The following MCTS1 variants were observed in gnomAD, a reference collection of about 807,000 sequenced individuals.
MCTS1 encodes MCTS1 re-initiation and release factor.
For missense variants in MCTS1, 55 were observed against 128.6 expected, an observed-to-expected ratio of 0.43 and a Z score of 2.77; for synonymous variants, 26 against 40.8, an observed-to-expected ratio of 0.64 and a Z score of 1.38.
rs188739621 is a variant in MCTS1, at chrX:120,619,310, T to G, written c.*7046T>G. Among the ~76,000 whole-genome samples the G allele has an allele frequency of 1.3e-3, 143 of 111,271 alleles. No homozygotes were observed. The highest frequency in any genetic ancestry group is 4.5e-3 in the African/African-American group (138 of 30,672). Reference sequence around the variant, plus strand: ...TACAAAGGATTGATACATATTTAACTGTTTAGAATTCTAGTTAAACTTGTC... The same window carrying G: ...TACAAAGGATTGATACATATTTAACGGTTTAGAATTCTAGTTAAACTTGTC... On this transcript the variant is annotated 3_prime_UTR_variant, in exon 6 of 6. Transcript: ENST00000371317.
In MCTS1 at chrX:120,613,241, T is replaced by C. The variant is rs1028758890; in HGVS notation, c.*977T>C. Among the ~76,000 whole-genome samples the C allele has an allele frequency of 3.6e-5, 4 of 110,882 alleles. No homozygotes were observed. Among genetic ancestry groups the C allele is most frequent in the African/African-American group, 1.3e-4 (4 of 30,441 alleles). On this transcript the variant is annotated 3_prime_UTR_variant, in exon 6 of 6. Coordinates refer to ENST00000371317, the MANE Select transcript of MCTS1 (RefSeq NM_014060.3). ...GTGCCCAGCTAATTTTTATATATTT[T>C]ATAGTTGGCCAGGCTGGTCTTGAAC...
chrX:120,605,652 A>T, intron 2 of MCTS1, 93 bp downstream of exon 2: 1 of 859,708 alleles, frequency 1.2e-6, no homozygotes. Flanking sequence ...TTTTCAGATT[A>T]ACTATTGATA....
intron 5 of MCTS1, chrX:120,611,464 G>A (rs1167333973): frequency 8.8e-6 from 1 of 113,691 alleles, no homozygotes; most frequent in Non-Finnish European, 1.8e-5. Context: ...CTGTTGCCCA[G>A]GCTGGAGTGC....
chrX:120,607,076 T>A (rs1382634108), intron 3 of MCTS1, among the ~76,000 whole-genome samples: 3 of 105,687 alleles, frequency 2.8e-5, no homozygotes, highest in African/African-American at 1.0e-4. Context: ...TCCAGGTATT[T>A]CCTGTGATGT....
At position 120,616,254 on chromosome X, in the gene MCTS1, T is replaced by C. The variant is rs942692170; in HGVS notation, c.*3990T>C. 8.9e-6 allele frequency among the ~76,000 whole-genome samples: 1 copy of C among 112,267 alleles called. No homozygotes were observed. The highest frequency in any genetic ancestry group is 3.2e-5 in the African/African-American group (1 of 30,983). On this transcript the variant is annotated 3_prime_UTR_variant, in exon 6 of 6. Coordinates refer to ENST00000371317, the MANE Select transcript of MCTS1 (RefSeq NM_014060.3). ...TAAGTAGTATGCATTAAAACTGATA[T>C]ATAATGAAAGAAAAACAGTGAAAAT... is the stretch of plus-strand genomic sequence containing the variant.
At chrX:120,604,726 A>C in intron 1 of MCTS1, 7 of 1,046,601 alleles carry the variant, frequency 6.7e-6, no homozygotes, top group Non-Finnish European at 8.6e-6. Flanking sequence ...TAGCTGCCAG[A>C]TTAACCTTGC....
chrX:120,604,161 T>A lies in MCTS1; in HGVS notation c.-76T>A, dbSNP rs1926465519. 1 of 1,142,634 alleles carries A rather than the reference T, an allele frequency of 8.8e-7. No individual in the cohort carries two copies. The highest frequency in any genetic ancestry group is 1.8e-5 in the South Asian group (1 of 54,092). The allele number at this position is 1,142,634 out of a possible 1,213,427, so 94.2% of individuals were successfully genotyped here. A position where few individuals can be genotyped will look rare whatever the true frequency, so the allele number is the denominator to read the frequency against. ...TGCCGGCCTTCCTCGTGTGAGGGGA[T>A]CTGCCGGACCCCTGCAAATTCAATT... On this transcript the variant is annotated 5_prime_UTR_variant, in exon 1 of 6. Coordinates refer to ENST00000371317, the MANE Select transcript of MCTS1 (RefSeq NM_014060.3).
At position 120,614,082 on chromosome X, in the gene MCTS1, AAG is replaced by A. The variant is rs1201059708; in HGVS notation, c.*1826_*1827del. Among the ~76,000 whole-genome samples, 1 of 112,097 alleles carries A rather than the reference AAG, an allele frequency of 8.9e-6. No individual in the cohort carries two copies. Among genetic ancestry groups the A allele is most frequent in the African/African-American group, 3.2e-5 (1 of 30,862 alleles). ...GAGAAAGGTGAGGGTGGATAGCAAAAAGAGAGAGATCATTTGGCTGGCTGTTC... is the reference window on the plus strand; with the variant it reads ...GAGAAAGGTGAGGGTGGATAGCAAAAAGAGAGATCATTTGGCTGGCTGTTC... On this transcript the variant is annotated 3_prime_UTR_variant, in exon 6 of 6. Coordinates refer to ENST00000371317, the MANE Select transcript of MCTS1 (RefSeq NM_014060.3).
At position 120,612,660 on chromosome X, in the gene MCTS1, C is replaced by CGTGTGTGTGTGT. The variant is rs10563395; in HGVS notation, c.*411_*422dup. ...CAGGGGACCCAGCAGTGCTCATTCT[C>CGTGTGTGTGTGT]GTGTGTGTGTGTGTGTGTGTGTGTG... On this transcript the variant is annotated 3_prime_UTR_variant, in exon 6 of 6. Transcript: ENST00000371317. 3.8e-4 allele frequency among the ~76,000 whole-genome samples: 37 copies of CGTGTGTGTGTGT among 97,410 alleles called. No individual in the cohort carries two copies. Among genetic ancestry groups the CGTGTGTGTGTGT allele is most frequent in the African/African-American group, 1.3e-3 (34 of 25,712 alleles). 84.6% of individuals were successfully genotyped at this position (97,410 alleles called of 115,157 possible). A position where few individuals can be genotyped will look rare whatever the true frequency, so the allele number is the denominator to read the frequency against.
intron 1 of MCTS1, 88 bp from the exon 2 acceptor site, chrX:120,605,319 T>C: frequency 1.2e-6 from 1 of 836,262 alleles, no homozygotes; most frequent in Non-Finnish European, 1.7e-6. Context: ...TGGTTGGGAA[T>C]AAATGACTAA....
At chrX:120,604,881 A>G (rs1404511916) in intron 1 of MCTS1, 1 of 1,153,191 alleles carries the variant, frequency 8.7e-7, no homozygotes, top group African/African-American at 1.8e-5. Context: ...GGTTTTGTGC[A>G]TGAAATTTTG....
In MCTS1 at chrX:120,611,005, T is replaced by C. The variant is rs868685548; in HGVS notation, c.397-6T>C. The stretch of plus-strand genomic sequence containing the variant: ...ATAAATAGTTTTCTTAGCTGTGTTC[T>C]TTCAGGCTATCATGGCAGAAGGAAA... On this transcript the variant is annotated splice_region_variant and splice_polypyrimidine_tract_variant and intron_variant, in intron 4 of 5. Coordinates refer to ENST00000371317, the MANE Select transcript of MCTS1 (RefSeq NM_014060.3). 1.7e-6 allele frequency: 2 copies of C among 1,210,646 alleles called. No homozygotes were observed. The highest frequency in any genetic ancestry group is 4.6e-4 in the Middle Eastern group (2 of 4,350).
At chrX:120,607,700 TC>T (rs1187442096) in intron 3 of MCTS1, among the ~76,000 whole-genome samples, 2 of 111,613 alleles carry the variant, frequency 1.8e-5, no homozygotes, top group Non-Finnish European at 1.9e-5. Flanking sequence ...TTATGGTTTT[TC>T]CCAAATACAT....
rs1926820635 is a variant in MCTS1, at chrX:120,615,430, A to G, written c.*3166A>G. Among the ~76,000 whole-genome samples, 1 of 111,670 alleles carries G rather than the reference A, an allele frequency of 9.0e-6. No individual in the cohort carries two copies. The highest frequency in any genetic ancestry group is 9.6e-5 in the Admixed American group (1 of 10,411). On this transcript the variant is annotated 3_prime_UTR_variant, in exon 6 of 6. Transcript: ENST00000371317. ...TAAGTGACGTGGCATGAAGATGAAT[A>G]ATACAGAAGTAGCCCTTGCTCTTAA...
intron 3 of MCTS1, among the ~76,000 whole-genome samples, chrX:120,607,468 GT>G (rs1027776291): frequency 1.8e-5 from 2 of 109,703 alleles, no homozygotes; most frequent in African/African-American, 3.3e-5. Flanking sequence ...TCCCCTTGTA[GT>G]TTTTTTTTAA....
chrX:120,610,137 C>G (rs1926644440), intron 4 of MCTS1, among the ~76,000 whole-genome samples: 1 of 110,877 alleles, frequency 9.0e-6, no homozygotes, highest in Non-Finnish European at 1.9e-5. Flanking sequence ...GCCTGGCCAA[C>G]ATGACGAAAC....
At chrX:120,604,592 G>A in intron 1 of MCTS1, 1 of 803,530 alleles carries the variant, frequency 1.2e-6, no homozygotes, top group South Asian at 4.2e-5. Flanking sequence ...TGAGAGGGGA[G>A]CCCTGCGCTC....
chrX:120,605,287 CATAATTAAGTATCTAA>C, intron 1 of MCTS1, 104 bp from the exon 2 acceptor site: 2 of 630,411 alleles, frequency 3.2e-6, no homozygotes, highest in Non-Finnish European at 4.7e-6. Flanking sequence ...CAATTTATTT[CATAATTAAGTATCTAA>C]ATACTTGGTT....
chrX:120,604,386 T>G (rs987278824), intron 1 of MCTS1, 139 bp downstream of exon 1: 70 of 773,750 alleles, frequency 9.0e-5, no homozygotes, highest in Non-Finnish European at 1.2e-4. Flanking sequence ...TATAGTACTA[T>G]GCTCTCACTC....
Sources: gnomAD v4.1 joint callset for allele counts (sites outside exome capture counted in the v4.1 genomes callset) on GRCh38, gnomAD v4.1.1 for gene constraint, MANE v1.5 for transcripts, NCBI Gene and HGNC (gene_info 2026-07-23, HGNC 2026-07-21) for gene names.